Variants in PPARGC1A observed in about 807,000 individuals in gnomAD.
PPARGC1A encodes the protein peroxisome proliferator-activated receptor gamma coactivator 1-alpha.
Under a neutral mutation model 88.7 loss-of-function variants are expected in PPARGC1A, and 25 were observed. That is an observed-to-expected ratio of 0.28 (90% CI 0.21 to 0.39). PPARGC1A has a LOEUF of 0.39. Among genes scored for constraint, PPARGC1A ranks in the 10% least tolerant of loss-of-function variants. PPARGC1A has a pLI of 1.00. For synonymous variants in PPARGC1A, 363 were observed against 355.6 expected (o/e 1.02, Z -0.24); for missense variants, 880 against 968.7 (o/e 0.91, Z 1.22).
the PPARGC1A span, among the ~76,000 whole-genome samples, chr4:24,192,477 T>C: frequency 3.9e-5 from 6 of 152,226 alleles, no homozygotes; most frequent in African/African-American, 1.4e-4. Flanking sequence ...TTATTCCTTT[T>C]GGTTTTCTTT....
the PPARGC1A span, among the ~76,000 whole-genome samples, chr4:24,172,170 G>C: frequency 6.6e-6 from 1 of 152,166 alleles, no homozygotes; most frequent in Non-Finnish European, 1.5e-5. Flanking sequence ...ATATAGCACA[G>C]TATCACAGCA....
the PPARGC1A span, among the ~76,000 whole-genome samples, chr4:24,092,820 CT>C: frequency 1.3e-5 from 2 of 152,230 alleles, no homozygotes; most frequent in Non-Finnish European, 2.9e-5. Context: ...TTGTTAGGTT[CT>C]TCAGAAAATG....
chr4:24,288,810 A>G, the PPARGC1A span, among the ~76,000 whole-genome samples: 3 of 152,236 alleles, frequency 2.0e-5, no homozygotes, highest in Non-Finnish European at 4.4e-5. Flanking sequence ...GTGAATAGTA[A>G]GTTCCATTTG....
At chr4:24,425,197 A>C in the PPARGC1A span, among the ~76,000 whole-genome samples, 4 of 152,318 alleles carry the variant, frequency 2.6e-5, 1 homozygote, top group African/African-American at 9.6e-5. Flanking sequence ...GAAGAAAAAA[A>C]TCTGTGATGG....
chr4:24,055,064 G>T, the PPARGC1A span, among the ~76,000 whole-genome samples: 17 of 152,158 alleles, frequency 1.1e-4, no homozygotes, highest in Non-Finnish European at 2.2e-4. Context: ...ACATCACCCC[G>T]GATATTGCAG....
At chr4:24,365,757 T>C in the PPARGC1A span, among the ~76,000 whole-genome samples, 1 of 152,132 alleles carries the variant, frequency 6.6e-6, no homozygotes, top group East Asian at 1.9e-4. Flanking sequence ...TTATTAGCAA[T>C]AGTTTTTTTT....
the PPARGC1A span, among the ~76,000 whole-genome samples, chr4:24,428,124 C>CAAAA: frequency 7.3e-6 from 1 of 136,916 alleles, no homozygotes. Context: ...ACCCTGTCTC[C>CAAAA]AAAAAAAAAA....
chr4:24,090,619 C>T, the PPARGC1A span, among the ~76,000 whole-genome samples: 1 of 152,098 alleles, frequency 6.6e-6, no homozygotes, highest in Admixed American at 6.5e-5. Flanking sequence ...ATGCTTCATA[C>T]ACAGAAGTGT....
At chr4:24,343,242 T>G in the PPARGC1A span, among the ~76,000 whole-genome samples, 1 of 152,210 alleles carries the variant, frequency 6.6e-6, no homozygotes, top group Non-Finnish European at 1.5e-5. Flanking sequence ...ATTTTATGGT[T>G]GGAATGTGTG....
the PPARGC1A span, among the ~76,000 whole-genome samples, chr4:24,003,497 T>C: frequency 6.6e-6 from 1 of 152,168 alleles, no homozygotes; most frequent in Non-Finnish European, 1.5e-5. Context: ...AGTAAACACA[T>C]CTGGAGTATT....
At chr4:24,255,514 C>G in the PPARGC1A span, among the ~76,000 whole-genome samples, 1 of 152,170 alleles carries the variant, frequency 6.6e-6, no homozygotes, top group East Asian at 1.9e-4. Context: ...GGCTTTCCAT[C>G]TAAGAATCAC....
chr4:24,356,250 C>A, the PPARGC1A span, among the ~76,000 whole-genome samples: 1 of 151,404 alleles, frequency 6.6e-6, no homozygotes, highest in Admixed American at 6.6e-5. Context: ...GTTTACCAAG[C>A]ATGTGTGAAT....
At chr4:24,028,582 A>C in the PPARGC1A span, among the ~76,000 whole-genome samples, 2 of 152,166 alleles carry the variant, frequency 1.3e-5, no homozygotes, top group Non-Finnish European at 2.9e-5. Flanking sequence ...GGAAGAATAC[A>C]AAGAGGTTAA....
the PPARGC1A span, among the ~76,000 whole-genome samples, chr4:24,226,469 G>A: frequency 6.6e-6 from 1 of 152,208 alleles, no homozygotes; most frequent in East Asian, 1.9e-4. Flanking sequence ...AACGAGGTGG[G>A]GAATTCCCCA....
At chr4:23,913,267 TAGAGAGAGAGAGAGAGAGAGAG>T in the PPARGC1A span, among the ~76,000 whole-genome samples, 9 of 77,532 alleles carry the variant, frequency 1.2e-4, no homozygotes, top group African/African-American at 4.5e-4. Flanking sequence ...TATATATATA[TAGAGAGAGAGAGAGAGAGAGAG>T]AGAGAGAGAG....
At chr4:24,429,380 C>T in the PPARGC1A span, among the ~76,000 whole-genome samples, 9 of 152,246 alleles carry the variant, frequency 5.9e-5, no homozygotes, top group South Asian at 1.7e-3. Context: ...TGGTCTCCTG[C>T]GTCACCCCCT....
At chr4:24,189,261 C>T in the PPARGC1A span, among the ~76,000 whole-genome samples, 1 of 152,056 alleles carries the variant, frequency 6.6e-6, no homozygotes, top group Non-Finnish European at 1.5e-5. Flanking sequence ...TTTAATATCG[C>T]TGAACTATAT....
At chr4:23,807,755 ATGTG>A (rs34783122) in intron 10 of PPARGC1A, among the ~76,000 whole-genome samples, 4 of 147,910 alleles carry the variant, frequency 2.7e-5, no homozygotes, top group Non-Finnish European at 3.0e-5. Flanking sequence ...GTGTGTGTGT[ATGTG>A]TGTGTGTGTG....
chr4:23,901,649 G>C (rs1336868732), upstream of PPARGC1A, among the ~76,000 whole-genome samples: 1 of 152,050 alleles, frequency 6.6e-6, no homozygotes, highest in African/African-American at 2.4e-5. Context: ...GAACCACAAA[G>C]TATCAAATTG....
Sources: allele counts gnomAD v4.1 joint callset (sites outside exome capture counted in the v4.1 genomes callset), GRCh38; gene constraint gnomAD v4.1.1; transcripts MANE v1.5; gene names NCBI Gene and HGNC (gene_info 2026-07-23, HGNC 2026-07-21).